The following TWSG1 variants were observed in gnomAD, a reference collection of about 807,000 sequenced individuals.
TWSG1 encodes twisted gastrulation protein homolog 1.
A neutral mutation model predicts 23.0 loss-of-function variants in TWSG1; 15 were observed. That is an observed-to-expected ratio of 0.65 (90% CI 0.44 to 1.00). The LOEUF (loss-of-function observed/expected upper bound fraction) is 1.00. Ranked by LOEUF, TWSG1 falls within the 50% of genes least tolerant of loss-of-function variation. The pLI is 0.00. For missense variants in TWSG1, 242 were observed against 278.7 expected, an observed-to-expected ratio of 0.87 and a Z score of 0.94; for synonymous variants, 86 against 92.8, an observed-to-expected ratio of 0.93 and a Z score of 0.42.
intron 3 of TWSG1, among the ~76,000 whole-genome samples, chr18:9,383,654 T>A (rs951336558): frequency 6.6e-6 from 1 of 152,238 alleles, no homozygotes; most frequent in Non-Finnish European, 1.5e-5. Context: ...GGCACTCAGA[T>A]TCTGAAAATA....
At chr18:9,387,400 C>T (rs537571484) in intron 3 of TWSG1, among the ~76,000 whole-genome samples, 1 of 152,122 alleles carries the variant, frequency 6.6e-6, no homozygotes, top group East Asian at 1.9e-4. Context: ...ATATCCCTCA[C>T]GCAGGTTCAG....
chr18:9,370,265 C>A (rs1451098626), intron 3 of TWSG1, among the ~76,000 whole-genome samples: 5 of 151,808 alleles, frequency 3.3e-5, no homozygotes, highest in African/African-American at 4.8e-5. Context: ...TTGCAGTGAG[C>A]CAAGATCATG....
intron 3 of TWSG1, among the ~76,000 whole-genome samples, chr18:9,386,151 G>A (rs1254126953): frequency 1.4e-5 from 2 of 147,930 alleles, no homozygotes; most frequent in African/African-American, 5.0e-5. Context: ...GCAACACAGC[G>A]AGAATCTGTC....
intron 4 of TWSG1, chr18:9,396,787 G>A (rs1439212905): frequency 4.3e-5 from 25 of 580,876 alleles, no homozygotes; most frequent in Middle Eastern, 9.1e-4. Flanking sequence ...TCGGCTGGGC[G>A]TGGTGGCTCA....
intron 3 of TWSG1, among the ~76,000 whole-genome samples, chr18:9,390,017 T>C (rs1279568485): frequency 1.3e-5 from 2 of 152,234 alleles, no homozygotes; most frequent in Non-Finnish European, 2.9e-5. Context: ...AAATACTTTA[T>C]TGTTAAAAAA....
At chr18:9,379,456 A>G (rs1757598226) in intron 3 of TWSG1, among the ~76,000 whole-genome samples, 2 of 152,142 alleles carry the variant, frequency 1.3e-5, no homozygotes, top group African/African-American at 2.4e-5. Context: ...TCATTGAGCT[A>G]AATAATGAGA....
In TWSG1 at chr18:9,368,399, C is replaced by T. The variant is rs529885387; in HGVS notation, c.223+8328C>T. On this transcript the variant is annotated intron_variant, in intron 3 of 4. Transcript: ENST00000262120. ...TGTATTTTTAGGAGAGATAGGGTTT[C>T]GCCATCTTGGCCAGGTTGGTCTTGA... Among the ~76,000 whole-genome samples the T allele has an allele frequency of 1.7e-4, 26 of 152,240 alleles. No individual in the cohort carries two copies. In the South Asian group the frequency reaches 1.9e-3, roughly 11 times the overall value.
At chr18:9,376,073 C>T (rs554797764) in intron 3 of TWSG1, among the ~76,000 whole-genome samples, 1 of 152,194 alleles carries the variant, frequency 6.6e-6, no homozygotes, top group South Asian at 2.1e-4. Context: ...TGCCACCATG[C>T]CCAGCTAATT....
chr18:9,370,695 C>T (rs1375030868), intron 3 of TWSG1, among the ~76,000 whole-genome samples: 1 of 152,106 alleles, frequency 6.6e-6, no homozygotes, highest in Non-Finnish European at 1.5e-5. Context: ...GGTCAAATAG[C>T]ACAGGACCTA....
intron 2 of TWSG1, among the ~76,000 whole-genome samples, chr18:9,343,254 A>ATC (rs1356796920): frequency 1.5e-4 from 8 of 52,904 alleles, no homozygotes; most frequent in African/African-American, 4.6e-4. Flanking sequence ...ATATATATAT[A>ATC]TATATATCTT....
chr18:9,382,736 G>A (rs1157102296), intron 3 of TWSG1, among the ~76,000 whole-genome samples: 2 of 150,404 alleles, frequency 1.3e-5, no homozygotes, highest in Non-Finnish European at 3.0e-5. Flanking sequence ...GAACCCAGGA[G>A]GCAGAGATTG....
intron 2 of TWSG1, among the ~76,000 whole-genome samples, chr18:9,359,615 C>T (rs969307407): frequency 6.6e-6 from 1 of 152,116 alleles, no homozygotes; most frequent in Non-Finnish European, 1.5e-5. Flanking sequence ...TACAAGTTGG[C>T]TATTTGTTTA....
intron 2 of TWSG1, among the ~76,000 whole-genome samples, chr18:9,340,599 G>A (rs1307853732): frequency 2.6e-5 from 4 of 152,100 alleles, no homozygotes; most frequent in Non-Finnish European, 5.9e-5. Flanking sequence ...AAAACCAGTG[G>A]CTGGAAACAG....
chr18:9,382,574 GAGGC>G, intron 3 of TWSG1, among the ~76,000 whole-genome samples: 1 of 151,450 alleles, frequency 6.6e-6, no homozygotes, highest in Non-Finnish European at 1.5e-5. Context: ...AGCACTTTGG[GAGGC>G]TGAGGCGGGC....
At chr18:9,359,897 GT>G (rs2040544371) in intron 2 of TWSG1, 74 bp from the exon 3 acceptor site, 1 of 1,173,736 alleles carries the variant, frequency 8.5e-7, no homozygotes, top group Non-Finnish European at 1.2e-6. Context: ...ATATGGCAGG[GT>G]TTTTTGCTTA....
chr18:9,339,763 A>G (rs1479685656), intron 2 of TWSG1, among the ~76,000 whole-genome samples: 1 of 152,084 alleles, frequency 6.6e-6, no homozygotes, highest in African/African-American at 2.4e-5. Context: ...AGATCGTGCG[A>G]CTGCACTCCC....
rs535105559 is a variant in TWSG1, at chr18:9,351,740, G to A, written c.124-8232G>A. On this transcript the variant is annotated intron_variant, in intron 2 of 4. Coordinates refer to ENST00000262120, the MANE Select transcript of TWSG1 (RefSeq NM_020648.6). Reference sequence around the variant, plus strand: ...GCTCACTGCAACCTCTGCTTCCTGGGTTCAAGTGATTCTCCTGCCTCAGCC... The same window carrying A: ...GCTCACTGCAACCTCTGCTTCCTGGATTCAAGTGATTCTCCTGCCTCAGCC... Among the ~76,000 whole-genome samples, 18 of 151,806 alleles carry A rather than the reference G, an allele frequency of 1.2e-4. No homozygotes were observed. The East Asian group carries it at 3.5e-3, about 29-fold the overall frequency.
intron 2 of TWSG1, among the ~76,000 whole-genome samples, chr18:9,352,745 CAATATT>C (rs1456027869): frequency 6.6e-6 from 1 of 152,122 alleles, no homozygotes; most frequent in Non-Finnish European, 1.5e-5. Context: ...AACTGAGAGT[CAATATT>C]AATAAGATTC....
At chr18:9,348,855 G>A (rs949699060) in intron 2 of TWSG1, among the ~76,000 whole-genome samples, 9 of 152,076 alleles carry the variant, frequency 5.9e-5, no homozygotes, top group African/African-American at 2.2e-4. Context: ...TGTACTATGA[G>A]GATAAATTAG....
Sources: allele counts gnomAD v4.1 joint callset (sites outside exome capture counted in the v4.1 genomes callset), GRCh38; gene constraint gnomAD v4.1.1; transcripts MANE v1.5; gene names NCBI Gene and HGNC (gene_info 2026-07-23, HGNC 2026-07-21).